The following RB1CC1 variants were observed in gnomAD, a reference collection of about 807,000 sequenced individuals.
RB1CC1 encodes the protein RB1 inducible coiled-coil 1.
In RB1CC1, 46 loss-of-function variants were observed where a neutral mutation model predicts 177.5. The observed-to-expected ratio is 0.26, with a 90% CI of 0.20 to 0.33. RB1CC1 has a LOEUF of 0.33. RB1CC1 is among the 10% of genes least tolerant of loss of function. The pLI, the probability that RB1CC1 is intolerant of heterozygous loss-of-function variation, is 1.00. For synonymous variants in RB1CC1, 666 were observed against 613.6 expected (o/e 1.09, Z -1.26); for missense variants, 1,703 against 1,816.3 (o/e 0.94, Z 1.13).
chr8:52,670,740 A>G (rs1852494515), intron 7 of RB1CC1, among the ~76,000 whole-genome samples: 1 of 152,220 alleles, frequency 6.6e-6, no homozygotes, highest in Admixed American at 6.5e-5. Flanking sequence ...TAATCCCAGC[A>G]CTTTGGGAGG....
chr8:52,640,722 T>C (rs1849503760), intron 18 of RB1CC1, among the ~76,000 whole-genome samples: 2 of 152,194 alleles, frequency 1.3e-5, no homozygotes, highest in African/African-American at 4.8e-5. Context: ...ATGTCATTCA[T>C]GTTTGCTAAA....
At chr8:52,687,008 A>G (rs1267316464) in intron 1 of RB1CC1, 41 bp from the exon 2 acceptor site, 1 of 453,448 alleles carries the variant, frequency 2.2e-6, no homozygotes, top group Non-Finnish European at 4.4e-6. Flanking sequence ...GAAACAATTC[A>G]GTACGAAACA....
chr8:52,683,418 T>C (rs1442670382), intron 5 of RB1CC1, 131 bp downstream of exon 5: 2 of 813,848 alleles, frequency 2.5e-6, no homozygotes, highest in Non-Finnish European at 3.4e-6. Flanking sequence ...ACTAGATATA[T>C]TAACCGGAAA....
chr8:52,699,029 G>A (rs923266082), intron 1 of RB1CC1, among the ~76,000 whole-genome samples: 5 of 151,842 alleles, frequency 3.3e-5, no homozygotes, highest in Non-Finnish European at 5.9e-5. Flanking sequence ...ATAATGCAGA[G>A]GAAAGGAAAA....
At position 52,657,414 on chromosome 8, in the gene RB1CC1, G is replaced by C. The variant is rs1223931746; in HGVS notation, c.2415C>G (p.Ala805=). ...TTTGTATACTGAAGTGAGAGTCTTG[G>C]GCAACAACTCTACATCTTTCCAACT... ...NVQLERCRVV[A]QDSHFSIQTI... The change falls in exon 15 of 24, where the codon GCC becomes GCG. Residue 805 remains alanine, a synonymous_variant. Transcript: ENST00000025008. 6.2e-7 allele frequency: 1 copy of C among 1,613,764 alleles called. No homozygotes were observed. Among genetic ancestry groups the C allele is most frequent in the Non-Finnish European group, 8.5e-7 (1 of 1,179,978 alleles).
At chr8:52,679,492 T>C (rs1853490672) in intron 5 of RB1CC1, among the ~76,000 whole-genome samples, 1 of 152,172 alleles carries the variant, frequency 6.6e-6, no homozygotes, top group African/African-American at 2.4e-5. Flanking sequence ...GATCAAGGAC[T>C]CGAAAGACCC....
chr8:52,694,092 G>T (rs774874948), intron 1 of RB1CC1, among the ~76,000 whole-genome samples: 7 of 152,228 alleles, frequency 4.6e-5, no homozygotes, highest in Non-Finnish European at 1.0e-4. Context: ...TCGTAGCCAA[G>T]AACAGAGCTG....
Position 52,656,499 on chromosome 8 carries a change from C to G in RB1CC1, c.3330G>C (p.Lys1110Asn), listed in dbSNP as rs1299061382. 8.7e-6 allele frequency: 14 copies of G among 1,611,060 alleles called. No homozygotes were observed. Among genetic ancestry groups the G allele is most frequent in the Non-Finnish European group, 1.1e-5 (13 of 1,179,666 alleles). ...GATAATTTTCATTATTATCCTGAAT[C>G]TTTTGGTTGAGTTTACTAATTTCTG... is the stretch of plus-strand genomic sequence containing the variant. Reference protein sequence around the residue: ...LRTEISKLNQKIQDNNENYQV... With the variant: ...LRTEISKLNQNIQDNNENYQV... Residue 1110 changes from lysine (K) to asparagine (N), a missense_variant, in exon 15 of 24, where the codon AAG becomes AAC. By Grantham distance (94) the Lys-to-Asn change is moderately conservative. Transcript: ENST00000025008.
At chr8:52,707,432 C>CTTTTTTTTTTTTTTTT (rs386412758) in intron 1 of RB1CC1, among the ~76,000 whole-genome samples, 1 of 128,844 alleles carries the variant, frequency 7.8e-6, no homozygotes. Context: ...TTCTTTCTTT[C>CTTTTTTTTTTTTTTTT]TTTTTTTTTT....
chr8:52,687,002 C>G (rs906076664), intron 1 of RB1CC1, 35 bp from the exon 2 acceptor site: 11 of 453,164 alleles, frequency 2.4e-5, no homozygotes, highest in African/African-American at 2.2e-4. Flanking sequence ...TAAAGAGAAA[C>G]AATTCAGTAC....
At chr8:52,691,087 C>T (rs1392025647) in intron 1 of RB1CC1, among the ~76,000 whole-genome samples, 1 of 152,162 alleles carries the variant, frequency 6.6e-6, no homozygotes, top group African/African-American at 2.4e-5. Flanking sequence ...AGTTTCCGCC[C>T]CTCAGATCCA....
At chr8:52,633,557 G>C (rs1013064328) in intron 20 of RB1CC1, among the ~76,000 whole-genome samples, 1 of 152,142 alleles carries the variant, frequency 6.6e-6, no homozygotes, top group African/African-American at 2.4e-5. Context: ...AAGAAGAAAG[G>C]AGATGTCTCA....
intron 19 of RB1CC1, 53 bp downstream of exon 19, chr8:52,635,962 T>C (rs565747944): frequency 9.5e-6 from 15 of 1,581,966 alleles, no homozygotes; most frequent in African/African-American, 5.4e-5. Context: ...AGTTTAACTG[T>C]ATCCAAAAGT....
At chr8:52,643,240 C>A in intron 16 of RB1CC1, 1 of 155,010 alleles carries the variant, frequency 6.5e-6, no homozygotes, top group Non-Finnish European at 1.4e-5. Context: ...TGGATATCTG[C>A]AATGGTCACT....
At position 52,674,378 on chromosome 8, in the gene RB1CC1, C is replaced by A. The variant is rs1162980721; in HGVS notation, c.573-104G>T. On this transcript the variant is annotated intron_variant, in intron 6 of 23. Coordinates refer to ENST00000025008, the MANE Select transcript of RB1CC1 (RefSeq NM_014781.5). ...ATTATTATACACACAAATCTCACCA[C>A]CTCTCCATAACATTATACATACATA... The A allele has an allele frequency of 6.0e-6, 6 of 995,004 alleles. No individual in the cohort carries two copies. The East Asian group carries it at 1.5e-4, about 24-fold the overall frequency. The allele number at this position is 995,004 out of a possible 1,614,324, so 61.6% of individuals were successfully genotyped here.
At chr8:52,626,992 C>T (rs1427244476) in intron 22 of RB1CC1, among the ~76,000 whole-genome samples, 1 of 151,962 alleles carries the variant, frequency 6.6e-6, no homozygotes, top group African/African-American at 2.4e-5. Context: ...GAGTTCAAGG[C>T]TACAGTGACC....
At chr8:52,642,241 T>C in intron 18 of RB1CC1, 110 bp downstream of exon 18, 1 of 1,351,040 alleles carries the variant, frequency 7.4e-7, no homozygotes, top group African/African-American at 1.5e-5. Context: ...AACTTTCAGA[T>C]ACATGGGCTG....
At chr8:52,662,958 T>C (rs1222504377) in intron 8 of RB1CC1, among the ~76,000 whole-genome samples, 1 of 152,100 alleles carries the variant, frequency 6.6e-6, no homozygotes. Flanking sequence ...ATTTAAATTC[T>C]AGACCATTAG....
chr8:52,699,291 C>T (rs1465054720), intron 1 of RB1CC1, among the ~76,000 whole-genome samples: 1 of 152,162 alleles, frequency 6.6e-6, no homozygotes, highest in African/African-American at 2.4e-5. Flanking sequence ...ATTCAATTTT[C>T]TCATCTCAAA....
Sources: gnomAD v4.1 joint callset for allele counts (sites outside exome capture counted in the v4.1 genomes callset) on GRCh38, gnomAD v4.1.1 for gene constraint, MANE v1.5 for transcripts, NCBI Gene and HGNC (gene_info 2026-07-23, HGNC 2026-07-21) for gene names.